Variants in GART observed in about 807,000 individuals in gnomAD.
GART encodes trifunctional purine biosynthetic protein adenosine-3.
Under a neutral mutation model 107.2 loss-of-function variants are expected in GART, and 43 were observed. That is an observed-to-expected ratio of 0.40 (90% CI 0.31 to 0.52). GART has a LOEUF of 0.52. Among genes scored for constraint, GART ranks in the 20% least tolerant of loss-of-function variants. The pLI is 0.52. For missense variants in GART, 1,107 were observed against 1,206.5 expected, an observed-to-expected ratio of 0.92 and a Z score of 1.22; for synonymous variants, 434 against 427.0, an observed-to-expected ratio of 1.02 and a Z score of -0.20.
chr21:33,504,307 C>T lies in GART; in HGVS notation c.2850G>A (p.Val950=). The change falls in exon 22 of 22, where the codon GTG becomes GTA. Residue 950 remains valine, a synonymous_variant. Transcript: ENST00000381815. ...GCTVHFVAED[V]DAGQIILQEA... ...CTTGCAAAATAATCTGTCCAGCATC[C>T]ACATCTTCCTGGAAAAGTAAGCAAA... 1.2e-6 allele frequency: 2 copies of T among 1,613,204 alleles called. No homozygotes were observed. The highest frequency in any genetic ancestry group is 1.1e-5 in the South Asian group (1 of 91,060).
upstream of GART, chr21:33,542,534 G>C (rs980312248): frequency 1.3e-5 from 2 of 154,158 alleles, no homozygotes; most frequent in African/African-American, 4.8e-5. Context: ...AATGAGGCTG[G>C]TTATAGAACG....
chr21:33,530,311 A>T (rs992547654), intron 7 of GART, among the ~76,000 whole-genome samples: 2 of 152,258 alleles, frequency 1.3e-5, no homozygotes, highest in Non-Finnish European at 1.5e-5. Flanking sequence ...TATCACACAC[A>T]CACAAGAAAT....
chr21:33,535,950 C>T (rs905812542), intron 2 of GART, among the ~76,000 whole-genome samples: 1 of 152,082 alleles, frequency 6.6e-6, no homozygotes, highest in Non-Finnish European at 1.5e-5. Flanking sequence ...ATCGCTTGAA[C>T]TGGGGAGGCG....
intron 21 of GART, 47 bp downstream of exon 21, chr21:33,504,365 T>C (rs2084643140): frequency 6.2e-7 from 1 of 1,609,078 alleles, no homozygotes; most frequent in African/African-American, 1.3e-5. Context: ...CCAGTGTCAT[T>C]TACATCTGAC....
chr21:33,526,874 TTC>T (rs2085084014), intron 10 of GART, among the ~76,000 whole-genome samples: 1 of 152,232 alleles, frequency 6.6e-6, no homozygotes, highest in African/African-American at 2.4e-5. Context: ...CCTGGTGGTC[TTC>T]TTTTTCCGTC....
rs151154331 is a variant in GART, at chr21:33,532,379, T to C, written c.494A>G (p.Glu165Gly). 189 of 1,614,008 alleles carry C rather than the reference T, an allele frequency of 1.2e-4. No individual in the cohort carries two copies. The highest frequency in any genetic ancestry group is 1.5e-4 in the Non-Finnish European group (177 of 1,180,024). Reference protein sequence around the residue: ...GKGVIVAKSKEEACKAVQEIM... With the variant: ...GKGVIVAKSKGEACKAVQEIM... The stretch of plus-strand genomic sequence containing the variant: ...CTCTTGTACAGCTTTGCAGGCCTCT[T>C]CTTTGCTCTTTGCAACAATCACCCC... The change falls in exon 5 of 22, where the codon GAA becomes GGA. Residue 165 changes from glutamate to glycine, a missense_variant. Glu to Gly is a moderately conservative substitution (Grantham distance 98). Coordinates refer to ENST00000381815, the MANE Select transcript of GART (RefSeq NM_000819.5).
rs534322906 is a variant in GART at position 33,528,101 on chromosome 21, G to C, written c.1066+66C>G. 2.8e-6 allele frequency: 4 copies of C among 1,451,324 alleles called. No homozygotes were observed. The East Asian group carries it at 9.2e-5, about 33-fold the overall frequency. 89.9% of individuals were successfully genotyped at this position (1,451,324 alleles called of 1,614,324 possible). A position where few individuals can be genotyped will look rare whatever the true frequency, so the allele number is the denominator to read the frequency against. On this transcript the variant is annotated intron_variant, in intron 10 of 21. Coordinates refer to ENST00000381815, the MANE Select transcript of GART (RefSeq NM_000819.5). ...ATCGAGAGCAAGCCTTAGTGTGAGA[G>C]GGGGGTCTGCTGTGGTGCTGGCACT... is the stretch of plus-strand genomic sequence containing the variant.
chr21:33,542,779 C>A (rs2085477387), upstream of GART: 2 of 430,584 alleles, frequency 4.6e-6, no homozygotes, highest in South Asian at 5.3e-5. Context: ...CTGCTGGGGA[C>A]TGACAACTTA....
intron 8 of GART, 76 bp downstream of exon 8, chr21:33,528,774 G>A (rs1455276845): frequency 5.4e-6 from 6 of 1,116,344 alleles, no homozygotes; most frequent in Admixed American, 2.5e-5. Flanking sequence ...AAAAAAAAAG[G>A]GAATGGAAAA....
intron 18 of GART, among the ~76,000 whole-genome samples, chr21:33,506,569 T>A (rs2084686723): frequency 6.6e-6 from 1 of 152,098 alleles, no homozygotes; most frequent in South Asian, 2.1e-4. Flanking sequence ...CACAGGCAAC[T>A]AAAGTAAATA....
chr21:33,518,801 C>T, intron 14 of GART: 1 of 497,056 alleles, frequency 2.0e-6, no homozygotes, highest in Non-Finnish European at 3.9e-6. Context: ...TTCAGTCGGT[C>T]TCCTTAAACT....
At position 33,504,093 on chromosome 21, in the gene GART, T is replaced by C. The variant is rs766076860; in HGVS notation, c.*31A>G. ...CATGCAAACAGCAAATAATTCTTTC[T>C]AAACTGGCCCCATTTCTGAATTAAA... On this transcript the variant is annotated 3_prime_UTR_variant, in exon 22 of 22. Transcript: ENST00000381815. The C allele has an allele frequency of 7.0e-6, 11 of 1,561,458 alleles. No individual in the cohort carries two copies. In the East Asian group the frequency reaches 2.5e-4, roughly 35 times the overall value.
At chr21:33,541,298 C>T (rs2085416226) in intron 1 of GART, among the ~76,000 whole-genome samples, 2 of 152,114 alleles carry the variant, frequency 1.3e-5, no homozygotes, top group African/African-American at 4.8e-5. Flanking sequence ...GGGCGTGCGC[C>T]GCCACGCCAG....
At position 33,524,958 on chromosome 21, in the gene GART, G is replaced by A; in HGVS notation, c.1109C>T (p.Ala370Val). 1 of 1,614,164 alleles carries A rather than the reference G, an allele frequency of 6.2e-7. No individual in the cohort carries two copies. The highest frequency in any genetic ancestry group is 8.5e-7 in the Non-Finnish European group (1 of 1,180,024). Residue 370 changes from alanine to valine, a missense_variant, in exon 11 of 22, where the codon GCA (alanine) becomes GTA (valine). Coordinates refer to ENST00000381815, the MANE Select transcript of GART (RefSeq NM_000819.5). ...TTTGCCATTTTTGAGGGCAGTGCCT[G>A]CATGGAACACCTCCAGTCCTAGAGC... ...AQALGLEVFH[A>V]GTALKNGKVV...
Position 33,513,105 on chromosome 21 carries a change from C to CTGTGTGTG in GART, c.2108-1655_2108-1648dup, listed in dbSNP as rs3057407. Reference sequence around the variant, plus strand: ...TATTTGTGTGTGTGTGTGTGTGTCTCTGTGTGTGTGTGTGTGTGTGTGTGT... The same window carrying CTGTGTGTG: ...TATTTGTGTGTGTGTGTGTGTGTCTCTGTGTGTGTGTGTGTGTGTGTGTGTGTGTGTGT... On this transcript the variant is annotated intron_variant, in intron 16 of 21. Transcript: ENST00000381815. Among the ~76,000 whole-genome samples, 3 of 144,556 alleles carry CTGTGTGTG rather than the reference C, an allele frequency of 2.1e-5. No homozygotes were observed. The East Asian group carries it at 6.4e-4, about 31-fold the overall frequency. The allele number at this position is 144,556 out of a possible 152,430, so 94.8% of individuals were successfully genotyped here.
intron 6 of GART, 84 bp from the exon 7 acceptor site, chr21:33,530,968 T>A (rs575265238): frequency 5.5e-6 from 7 of 1,283,964 alleles, no homozygotes; most frequent in Non-Finnish European, 7.2e-6. Flanking sequence ...ATATGTCCCT[T>A]AATTCTTCTT....
chr21:33,531,779 C>A (rs1328813100), intron 5 of GART: 3 of 472,316 alleles, frequency 6.4e-6, no homozygotes, highest in South Asian at 4.1e-5. Context: ...AATAAACACA[C>A]CTCTAATATT....
At chr21:33,535,098 G>A (rs1192084830) in intron 3 of GART, 127 bp downstream of exon 3, 3 of 610,986 alleles carry the variant, frequency 4.9e-6, no homozygotes, top group South Asian at 3.7e-5. Context: ...CATAAATTTC[G>A]AGAGTGGAAG....
In GART at chr21:33,506,021, C is replaced by T. The variant is rs146928280; in HGVS notation, c.2536G>A (p.Ala846Thr). The T allele has an allele frequency of 3.3e-5, 54 of 1,614,142 alleles. No homozygotes were observed. Among genetic ancestry groups the T allele is most frequent in the South Asian group, 2.1e-4 (19 of 91,080 alleles). Residue 846 changes from alanine to threonine, a missense_variant, in exon 19 of 22, where the codon GCA becomes ACA. Physicochemically the swap from Ala to Thr is moderately conservative, Grantham distance 58. Coordinates refer to ENST00000381815, the MANE Select transcript of GART (RefSeq NM_000819.5). The part of the protein sequence containing the change: ...QIDIVISNKA[A>T]VAGLDKAERA... ...TCCGCTTTATCTAACCCAGCTACTG[C>T]GGCTTTGTTGGAGATAACAATATCA...
Sources: gnomAD v4.1 joint callset for allele counts (sites outside exome capture counted in the v4.1 genomes callset) on GRCh38, gnomAD v4.1.1 for gene constraint, MANE v1.5 for transcripts, NCBI Gene and HGNC (gene_info 2026-07-23, HGNC 2026-07-21) for gene names.